Variants in ANO4 observed in about 807,000 individuals in gnomAD.
ANO4 encodes anoctamin-4.
Under a neutral mutation model 141.9 loss-of-function variants are expected in ANO4, and 69 were observed. The ratio of observed to expected loss-of-function variants is 0.49; its 90% CI spans 0.40 to 0.59. The LOEUF is 0.59. ANO4 is among the 20% of genes least tolerant of loss of function. The pLI is 0.00. For missense variants in ANO4, 894 were observed against 1,162.2 expected, an observed-to-expected ratio of 0.77 and a Z score of 3.36; for synonymous variants, 350 against 394.3, an observed-to-expected ratio of 0.89 and a Z score of 1.33.
Position 100,901,662 on chromosome 12 carries a change from TCATGG to T in ANO4, c.-123_-119del. The T allele has an allele frequency of 1.2e-6, 1 of 850,846 alleles. No individual in the cohort carries two copies. The highest frequency in any genetic ancestry group is 2.1e-6 in the Non-Finnish European group (1 of 483,734). 52.7% of individuals were successfully genotyped at this position (850,846 alleles called of 1,614,324 possible). A position where few individuals can be genotyped will look rare whatever the true frequency, so the allele number is the denominator to read the frequency against. ...TCATTCCAGGTTTAAGTTTATCTAT[TCATGG>T]GGCTGAAAAGCGTTTGCAAATCCAT... On this transcript the variant is annotated 5_prime_UTR_variant, in exon 2 of 28. It removes an upstream start codon present in the reference 5' UTR. Transcript: ENST00000392977.
At chr12:100,757,435 CT>C (rs1193791484) in intron 3 of ANO4, among the ~76,000 whole-genome samples, 6 of 152,294 alleles carry the variant, frequency 3.9e-5, no homozygotes, top group Non-Finnish European at 7.4e-5. Context: ...CTCTGTAATG[CT>C]TCATGATTGG....
intron 2 of ANO4, 121 bp from the exon 3 acceptor site, chr12:100,922,105 G>T (rs1303458003): frequency 7.1e-6 from 4 of 567,158 alleles, no homozygotes; most frequent in Non-Finnish European, 8.4e-6. Flanking sequence ...CTAAGAAGGA[G>T]GATCATTGGC....
intron 14 of ANO4, among the ~76,000 whole-genome samples, chr12:101,059,783 T>G (rs1366559973): frequency 6.6e-6 from 1 of 152,230 alleles, no homozygotes; most frequent in African/African-American, 2.4e-5. Context: ...TCTTCTTTAT[T>G]AGTCTGGCTA....
At chr12:100,854,163 A>G (rs1477227694) in intron 1 of ANO4, among the ~76,000 whole-genome samples, 7 of 152,210 alleles carry the variant, frequency 4.6e-5, no homozygotes, top group African/African-American at 1.7e-4. Flanking sequence ...TTCTAAAGTG[A>G]TAGTTATTTT....
At chr12:100,745,556 TGAA>T (rs1356841770) in intron 3 of ANO4, among the ~76,000 whole-genome samples, 1 of 152,138 alleles carries the variant, frequency 6.6e-6, no homozygotes, top group African/African-American at 2.4e-5. Flanking sequence ...TAGACACAGT[TGAA>T]GAGAGAACTA....
intron 1 of ANO4, among the ~76,000 whole-genome samples, chr12:100,819,704 C>T (rs192147543): frequency 1.3e-4 from 20 of 152,020 alleles, no homozygotes; most frequent in African/African-American, 4.8e-4. Context: ...AAAGTAACAG[C>T]ATAGATACCA....
At chr12:100,839,687 A>G (rs186211694) in intron 1 of ANO4, among the ~76,000 whole-genome samples, 48 of 152,210 alleles carry the variant, frequency 3.2e-4, no homozygotes, top group African/African-American at 1.1e-3. Context: ...TGAACATTTT[A>G]AAGATTTTTT....
At position 100,918,464 on chromosome 12, in the gene ANO4, A is replaced by C. The variant is rs116978591; in HGVS notation, c.56-3762A>C. 7.0e-4 allele frequency among the ~76,000 whole-genome samples: 106 copies of C among 152,320 alleles called. 1 individual carries two copies. The East Asian group carries it at 0.017, about 25-fold the overall frequency. On this transcript the variant is annotated intron_variant, in intron 2 of 27. Coordinates refer to ENST00000392977, the MANE Select transcript of ANO4 (RefSeq NM_001286615.2). ...TTCTTCCTGTTATATTTTTCTAGTCATATAAATGGGTATGTTTTTTAATAT... is the reference window on the plus strand; with the variant it reads ...TTCTTCCTGTTATATTTTTCTAGTCCTATAAATGGGTATGTTTTTTAATAT...
intron 5 of ANO4, among the ~76,000 whole-genome samples, chr12:100,945,965 A>G (rs994005718): frequency 2.0e-5 from 3 of 152,248 alleles, no homozygotes; most frequent in African/African-American, 7.2e-5. Context: ...TATGTACAAC[A>G]TATACAAATA....
intron 8 of ANO4, 116 bp downstream of exon 8, chr12:100,987,786 C>T: frequency 7.1e-7 from 1 of 1,399,722 alleles, no homozygotes; most frequent in East Asian, 2.3e-5. Context: ...TGCCCTTCTC[C>T]CCTAAAAGTC....
intron 7 of ANO4, among the ~76,000 whole-genome samples, chr12:100,978,986 C>T (rs1022905647): frequency 4.6e-5 from 7 of 151,948 alleles, no homozygotes; most frequent in Non-Finnish European, 1.0e-4. Context: ...ATGACCTTAG[C>T]GAGGGGAGTG....
chr12:101,125,661 C>A (rs2051283477), intron 26 of ANO4, among the ~76,000 whole-genome samples: 1 of 152,014 alleles, frequency 6.6e-6, no homozygotes, highest in African/African-American at 2.4e-5. Flanking sequence ...TTTAGTTCTG[C>A]TTATGTGATG....
chr12:101,061,362 T>TGGGGTTCTCTTCTCA (rs1226469630), intron 14 of ANO4, among the ~76,000 whole-genome samples: 1 of 152,010 alleles, frequency 6.6e-6, no homozygotes, highest in Non-Finnish European at 1.5e-5. Context: ...TTATGTGTCT[T>TGGGGTTCTCTTCTCA]GGGGTTCTCT....
At chr12:100,836,991 T>C (rs1329056273) in intron 1 of ANO4, among the ~76,000 whole-genome samples, 1 of 152,040 alleles carries the variant, frequency 6.6e-6, no homozygotes, top group Non-Finnish European at 1.5e-5. Context: ...AGAATTTACA[T>C]TGAAAGAGGA....
At chr12:100,846,940 TCC>T (rs1231406568) in intron 1 of ANO4, among the ~76,000 whole-genome samples, 1 of 43,104 alleles carries the variant, frequency 2.3e-5, no homozygotes, top group African/African-American at 1.4e-4. Flanking sequence ...CTTCTTTCCT[TCC>T]ACACCCCCCC....
intron 14 of ANO4, among the ~76,000 whole-genome samples, chr12:101,064,695 T>TAATAAA (rs1338635731): frequency 1.4e-5 from 2 of 146,644 alleles, no homozygotes; most frequent in African/African-American, 2.6e-5. Context: ...ATAATAATAA[T>TAATAAA]AAAAGATTAG....
chr12:101,015,565 G>A (rs933855352), intron 8 of ANO4, among the ~76,000 whole-genome samples: 3 of 152,106 alleles, frequency 2.0e-5, no homozygotes, highest in Admixed American at 6.5e-5. Flanking sequence ...ATGCCATAAT[G>A]AACATTGTTG....
chr12:101,064,662 T>TAA (rs113269312), intron 14 of ANO4, among the ~76,000 whole-genome samples: 33,960 of 93,264 alleles, frequency 0.36, 4,281 homozygotes, highest in East Asian at 0.58. Context: ...ACTTAAAGTA[T>TAA]TATAATAATA....
chr12:101,007,975 C>A (rs17406903), intron 8 of ANO4, among the ~76,000 whole-genome samples: 34,571 of 152,006 alleles, frequency 0.23, 4,204 homozygotes, highest in Non-Finnish European at 0.28. Flanking sequence ...AGGCGACTTC[C>A]CTCAAAAGTC....
Sources: gnomAD v4.1 joint callset for allele counts (sites outside exome capture counted in the v4.1 genomes callset) on GRCh38, gnomAD v4.1.1 for gene constraint, MANE v1.5 for transcripts, NCBI Gene and HGNC (gene_info 2026-07-23, HGNC 2026-07-21) for gene names.